The following GTF2IRD1 variants were observed in gnomAD, a reference collection of about 807,000 sequenced individuals.
The protein encoded by GTF2IRD1 is GTF2I repeat domain containing 1, also known as general transcription factor II-I repeat domain-containing protein 1.
GTF2IRD1 carries 26 observed loss-of-function variants against 113.2 expected under a neutral mutation model. That is an observed-to-expected ratio of 0.23 (90% CI 0.17 to 0.32). The LOEUF is 0.32. GTF2IRD1 is among the 10% of genes least tolerant of loss of function. The probability of loss-of-function intolerance (pLI) is 1.00; values close to 1 mark genes in which losing one functional copy is unlikely to be tolerated. For synonymous variants in GTF2IRD1, 484 were observed against 529.1 expected (o/e 0.91, Z 1.17); for missense variants, 864 against 1,280.8 (o/e 0.67, Z 4.97).
intron 22 of GTF2IRD1, among the ~76,000 whole-genome samples, chr7:74,569,897 G>T (rs587692398): frequency 6.6e-6 from 1 of 152,278 alleles, no homozygotes; most frequent in South Asian, 2.1e-4. Context: ...AGTGCAGGCA[G>T]GGTGGCAGGC....
In GTF2IRD1 at chr7:74,549,332, G is replaced by T. The variant is rs587607249; in HGVS notation, c.1916+2046G>T. ...AAAAAAAAAAAAATAGGCTTGGTTT[G>T]GTTGAAAGTGGCAAGAAAGAAGAGA... On this transcript the variant is annotated intron_variant, in intron 17 of 26. Transcript: ENST00000424337. Among the ~76,000 whole-genome samples, 88 of 151,988 alleles carry T rather than the reference G, an allele frequency of 5.8e-4. 2 individuals are homozygous for T. The highest frequency in any genetic ancestry group is 5.7e-3 in the Admixed American group (86 of 15,212).
At chr7:74,473,642 G>A (rs1554332908) in intron 1 of GTF2IRD1, among the ~76,000 whole-genome samples, 1 of 151,850 alleles carries the variant, frequency 6.6e-6, no homozygotes, top group Non-Finnish European at 1.5e-5. Context: ...CCATTTTCTT[G>A]GTTTAGTGCC....
intron 22 of GTF2IRD1, among the ~76,000 whole-genome samples, chr7:74,567,951 AT>A: frequency 6.6e-6 from 1 of 151,782 alleles, no homozygotes; most frequent in South Asian, 2.1e-4. Context: ...GCGCCCGACT[AT>A]TTTTTGTATT....
At chr7:74,537,237 C>T (rs587700395) in intron 11 of GTF2IRD1, among the ~76,000 whole-genome samples, 1 of 152,232 alleles carries the variant, frequency 6.6e-6, no homozygotes, top group Admixed American at 6.5e-5. Context: ...TGGCAAAACC[C>T]CGTCTCTACT....
rs587684208 is a variant in GTF2IRD1, at chr7:74,540,209, C to T, written c.1618+241C>T. 4.2e-4 allele frequency among the ~76,000 whole-genome samples: 64 copies of T among 152,260 alleles called. 1 individual carries two copies. The highest frequency in any genetic ancestry group is 8.2e-4 in the Non-Finnish European group (56 of 68,012). On this transcript the variant is annotated intron_variant, in intron 14 of 26. Coordinates refer to ENST00000424337, the MANE Select transcript of GTF2IRD1 (RefSeq NM_005685.4). ...TTGCCCAGGCTGGAGTGCAGTGGCA[C>T]GATCTCGGCTCACCGCAACCTCTGC...
At position 74,558,952 on chromosome 7, in the gene GTF2IRD1, A is replaced by T; in HGVS notation, c.2199A>T (p.Pro733=). ...PGSVIIEGLP[P]GIPFRKPCTF... ...CCGTGATCATCGAGGGGCTGCCCCCAGGAATCCCGTTCCGAAAGCCCTGTA... is the reference window on the plus strand; with the variant it reads ...CCGTGATCATCGAGGGGCTGCCCCCTGGAATCCCGTTCCGAAAGCCCTGTA... Residue 733 remains proline, a synonymous_variant, in exon 21 of 27, where the codon CCA becomes CCT. Transcript: ENST00000424337. The T allele has an allele frequency of 6.2e-7, 1 of 1,614,096 alleles. No homozygotes were observed. The highest frequency in any genetic ancestry group is 8.5e-7 in the Non-Finnish European group (1 of 1,180,000).
chr7:74,472,726 TG>T (rs1334441964), intron 1 of GTF2IRD1, among the ~76,000 whole-genome samples: 4 of 152,224 alleles, frequency 2.6e-5, no homozygotes, highest in Non-Finnish European at 5.9e-5. Context: ...CCCTCCAGCC[TG>T]GGCAACAAGA....
At chr7:74,580,208 G>A (rs1352606901) in intron 22 of GTF2IRD1, among the ~76,000 whole-genome samples, 1 of 152,172 alleles carries the variant, frequency 6.6e-6, no homozygotes, top group African/African-American at 2.4e-5. Context: ...GGAATGCAGT[G>A]GTGCAATCGC....
At chr7:74,455,376 C>T (rs1792899899) in intron 1 of GTF2IRD1, among the ~76,000 whole-genome samples, 2 of 152,224 alleles carry the variant, frequency 1.3e-5, no homozygotes, top group African/African-American at 4.8e-5. Context: ...CCTGGCGCGC[C>T]GCTGCCATGG....
Position 74,545,774 on chromosome 7 carries a change from G to A in GTF2IRD1, c.1697G>A (p.Arg566Gln), listed in dbSNP as rs781875253. ...CACGGTGACGTGATCCGGCCCCTGCGGAAGCAGGTGGAGCTGCTCTTCAAC... is the reference window on the plus strand; with the variant it reads ...CACGGTGACGTGATCCGGCCCCTGCAGAAGCAGGTGGAGCTGCTCTTCAAC... ...DSHGDVIRPL[R>Q]KQVELLFNTR... Residue 566 changes from arginine (R) to glutamine (Q), a missense_variant, in exon 16 of 27, where the codon CGG (arginine) becomes CAG (glutamine). By Grantham distance (43) the Arg-to-Gln change is conservative. Transcript: ENST00000424337. The A allele has an allele frequency of 6.2e-6, 10 of 1,613,118 alleles. No homozygotes were observed. Among genetic ancestry groups the A allele is most frequent in the Admixed American group, 1.7e-5 (1 of 59,996 alleles).
intron 5 of GTF2IRD1, 141 bp downstream of exon 5, chr7:74,518,463 ATGG>A (rs1768969745): frequency 1.6e-6 from 1 of 637,050 alleles, no homozygotes; most frequent in Admixed American, 3.0e-5. Flanking sequence ...TCCCAGTCTG[ATGG>A]TGGAGGTGAA....
chr7:74,488,293 A>G (rs559600173), intron 1 of GTF2IRD1, among the ~76,000 whole-genome samples: 1 of 152,060 alleles, frequency 6.6e-6, no homozygotes, highest in South Asian at 2.1e-4. Flanking sequence ...AAAATAAAGA[A>G]TTGTAGCACA....
intron 22 of GTF2IRD1, among the ~76,000 whole-genome samples, chr7:74,575,857 A>C (rs1287313235): frequency 5.3e-5 from 8 of 152,002 alleles, no homozygotes; most frequent in African/African-American, 1.9e-4. Context: ...GATTTGGGGA[A>C]TCATGAATTT....
At chr7:74,602,192 A>G in intron 26 of GTF2IRD1, 173 bp from the exon 27 acceptor site, 1 of 642,956 alleles carries the variant, frequency 1.6e-6, no homozygotes, top group Non-Finnish European at 2.3e-6. Context: ...CAGTGAGCCG[A>G]GATTGCATCA....
At chr7:74,507,620 T>A (rs1424440614) in intron 1 of GTF2IRD1, 4 of 162,080 alleles carry the variant, frequency 2.5e-5, no homozygotes, top group African/African-American at 9.6e-5. Context: ...TGGCACAGCT[T>A]AGAGGGCCTG....
intron 17 of GTF2IRD1, among the ~76,000 whole-genome samples, chr7:74,552,008 G>A (rs1172641746): frequency 6.6e-6 from 1 of 152,190 alleles, no homozygotes; most frequent in East Asian, 1.9e-4. Flanking sequence ...AGGCAACAAC[G>A]TGCTTGGGTG....
intron 1 of GTF2IRD1, among the ~76,000 whole-genome samples, chr7:74,488,848 A>G (rs1056959067): frequency 9.2e-5 from 14 of 151,418 alleles, no homozygotes; most frequent in African/African-American, 2.9e-4. Context: ...TGCCTTAAGA[A>G]ATATGGACTT....
intron 1 of GTF2IRD1, among the ~76,000 whole-genome samples, chr7:74,493,272 G>C (rs782039582): frequency 8.6e-5 from 13 of 151,584 alleles, no homozygotes; most frequent in Non-Finnish European, 1.5e-4. Flanking sequence ...ACCACACCCA[G>C]CTAATTTTTT....
At chr7:74,535,019 A>G (rs1395345091) in intron 9 of GTF2IRD1, 94 bp from the exon 10 acceptor site, 2 of 994,502 alleles carry the variant, frequency 2.0e-6, no homozygotes, top group African/African-American at 3.2e-5. Flanking sequence ...TCACTCAGTG[A>G]CCATCACCAA....
Sources: allele counts gnomAD v4.1 joint callset (sites outside exome capture counted in the v4.1 genomes callset), GRCh38; gene constraint gnomAD v4.1.1; transcripts MANE v1.5; gene names NCBI Gene and HGNC (gene_info 2026-07-23, HGNC 2026-07-21).